LRRC4C: variants seen among roughly 807,000 people sequenced by gnomAD.
The protein encoded by LRRC4C is leucine-rich repeat-containing protein 4C.
LRRC4C carries 5 observed loss-of-function variants against 33.6 expected under a neutral mutation model. The ratio of observed to expected loss-of-function variants is 0.15; its 90% CI spans 0.08 to 0.31. LRRC4C has a LOEUF of 0.31. LRRC4C is among the 10% of genes least tolerant of loss of function. The probability of loss-of-function intolerance (pLI) is 1.00; values close to 1 mark genes in which losing one functional copy is unlikely to be tolerated. For missense variants in LRRC4C, 560 were observed against 796.7 expected, an observed-to-expected ratio of 0.70 and a Z score of 3.58; for synonymous variants, 329 against 302.0, an observed-to-expected ratio of 1.09 and a Z score of -0.93.
chr11:41,271,564 A>C (rs1390259398), intron 1 of LRRC4C, among the ~76,000 whole-genome samples: 1 of 152,028 alleles, frequency 6.6e-6, no homozygotes, highest in Admixed American at 6.6e-5. Flanking sequence ...CATTAAACTA[A>C]CTGAACTAGC....
At chr11:40,444,457 A>G (rs555315223) in intron 3 of LRRC4C, among the ~76,000 whole-genome samples, 2 of 151,262 alleles carry the variant, frequency 1.3e-5, no homozygotes, top group South Asian at 4.1e-4. Context: ...ACTTTATCTA[A>G]TGTTTCCGAA....
Position 40,584,177 on chromosome 11 carries a change from CATATATATATATAT to C in LRRC4C, c.-270+63951_-270+63964del, listed in dbSNP as rs371413523. Among the ~76,000 whole-genome samples the C allele has an allele frequency of 1.8e-4, 13 of 71,274 alleles. 2 individuals carry two copies. In the East Asian group the frequency reaches 5.0e-3, roughly 27 times the overall value. 46.8% of individuals were successfully genotyped at this position (71,274 alleles called of 152,430 possible). On this transcript the variant is annotated intron_variant, in intron 3 of 6. Coordinates refer to ENST00000528697, the MANE Select transcript of LRRC4C (RefSeq NM_001258419.2). The stretch of plus-strand genomic sequence containing the variant: ...AGTATACACACACACACGCACACTT[CATATATATATATAT>C]ATATATATATATATGAACTCTTTGT...
intron 2 of LRRC4C, among the ~76,000 whole-genome samples, chr11:40,671,976 T>C (rs965345049): frequency 6.6e-6 from 1 of 152,186 alleles, no homozygotes; most frequent in Non-Finnish European, 1.5e-5. Context: ...AGTTTCTTTC[T>C]TGTCTCAGTG....
chr11:40,768,228 A>G (rs373012090), intron 2 of LRRC4C, among the ~76,000 whole-genome samples: 56 of 152,078 alleles, frequency 3.7e-4, no homozygotes, highest in African/African-American at 1.3e-3. Context: ...AAAAATGGAT[A>G]ATTTCCTGGA....
intron 1 of LRRC4C, among the ~76,000 whole-genome samples, chr11:41,224,333 C>G (rs1590983871): frequency 3.3e-5 from 5 of 152,220 alleles, no homozygotes; most frequent in Admixed American, 6.5e-5. Flanking sequence ...ACTAATGCAT[C>G]TATACCATTC....
At chr11:40,888,733 A>G (rs1441326827) in intron 2 of LRRC4C, among the ~76,000 whole-genome samples, 5 of 152,030 alleles carry the variant, frequency 3.3e-5, no homozygotes. Flanking sequence ...TGATATGGTA[A>G]CTGTTTATAA....
intron 1 of LRRC4C, among the ~76,000 whole-genome samples, chr11:41,106,627 C>T (rs759244214): frequency 2.0e-5 from 3 of 152,060 alleles, no homozygotes; most frequent in Non-Finnish European, 4.4e-5. Context: ...AGTTATTTGG[C>T]TCATGAGCTT....
chr11:40,696,118 C>A (rs1375221216), intron 2 of LRRC4C, among the ~76,000 whole-genome samples: 2 of 143,462 alleles, frequency 1.4e-5, no homozygotes, highest in African/African-American at 5.3e-5. Context: ...TATATATACT[C>A]ATTCACCATT....
rs185327950 is a variant in LRRC4C at position 40,465,003 on chromosome 11, C to T, written c.-269-145282G>A. 5.9e-5 allele frequency among the ~76,000 whole-genome samples: 9 copies of T among 151,924 alleles called. No homozygotes were observed. The East Asian group carries it at 1.2e-3, about 20-fold the overall frequency. On this transcript the variant is annotated intron_variant, in intron 3 of 6. Transcript: ENST00000528697. ...TGGAACCAAAAAAGCACCTGAACAG[C>T]CAAAGAAATGCTAAGCAGAAAGAAC...
intron 5 of LRRC4C, among the ~76,000 whole-genome samples, chr11:40,192,040 A>G (rs531025536): frequency 2.2e-4 from 34 of 152,338 alleles, no homozygotes; most frequent in African/African-American, 8.2e-4. Context: ...TTATGATAAC[A>G]TTATATAGGC....
intron 1 of LRRC4C, among the ~76,000 whole-genome samples, chr11:41,305,922 ATAAT>A (rs778547259): frequency 0.025 from 3,565 of 141,158 alleles, 56 homozygotes; most frequent in East Asian, 0.048. Flanking sequence ...TTAAAAAAAA[ATAAT>A]AAAATAAAAT....
intron 1 of LRRC4C, among the ~76,000 whole-genome samples, chr11:41,126,730 G>A (rs2135805723): frequency 6.6e-6 from 1 of 151,998 alleles, no homozygotes; most frequent in East Asian, 2.0e-4. Context: ...TTTGAAATGT[G>A]GCTTCTACCA....
chr11:40,882,909 T>C (rs1955255104), intron 2 of LRRC4C, among the ~76,000 whole-genome samples: 2 of 152,138 alleles, frequency 1.3e-5, no homozygotes. Flanking sequence ...ATAAACACTC[T>C]TTTGGTTGCA....
intron 2 of LRRC4C, among the ~76,000 whole-genome samples, chr11:40,922,393 C>A (rs1957219728): frequency 6.6e-6 from 1 of 152,122 alleles, no homozygotes; most frequent in African/African-American, 2.4e-5. Flanking sequence ...AGGCTGTCCA[C>A]TTAATCTTTA....
intron 1 of LRRC4C, among the ~76,000 whole-genome samples, chr11:41,331,913 G>A (rs747311584): frequency 6.6e-6 from 1 of 152,146 alleles, no homozygotes; most frequent in African/African-American, 2.4e-5. Flanking sequence ...TCCAAAGACA[G>A]ACCTTGCCTG....
chr11:41,119,376 A>C (rs1385890256), intron 1 of LRRC4C, among the ~76,000 whole-genome samples: 1 of 152,196 alleles, frequency 6.6e-6, no homozygotes, highest in African/African-American at 2.4e-5. Flanking sequence ...TCTGTGGTAG[A>C]TTAAATTATT....
intron 1 of LRRC4C, among the ~76,000 whole-genome samples, chr11:41,049,491 A>T (rs930817303): frequency 6.6e-6 from 1 of 152,206 alleles, no homozygotes; most frequent in Non-Finnish European, 1.5e-5. Flanking sequence ...ATTTTTGAAA[A>T]GTTAATTTCA....
intron 2 of LRRC4C, among the ~76,000 whole-genome samples, chr11:40,759,861 C>T (rs1411485768): frequency 1.3e-5 from 2 of 148,566 alleles, no homozygotes; most frequent in Admixed American, 6.8e-5. Context: ...TGTTGAAAGT[C>T]GGGAATTAGA....
chr11:40,252,725 C>T (rs1866885995), intron 4 of LRRC4C, among the ~76,000 whole-genome samples: 1 of 152,072 alleles, frequency 6.6e-6, no homozygotes, highest in Non-Finnish European at 1.5e-5. Flanking sequence ...GTAGAAAATT[C>T]CTATATGGCT....
Sources: gnomAD v4.1 joint callset for allele counts (sites outside exome capture counted in the v4.1 genomes callset) on GRCh38, gnomAD v4.1.1 for gene constraint, MANE v1.5 for transcripts, NCBI Gene and HGNC (gene_info 2026-07-23, HGNC 2026-07-21) for gene names.